NTRK3: variants seen among roughly 807,000 people sequenced by gnomAD.
NTRK3 encodes the protein neurotrophic receptor tyrosine kinase 3, also known as NT-3 growth factor receptor.
Under a neutral mutation model 91.7 loss-of-function variants are expected in NTRK3, and 24 were observed. The ratio of observed to expected loss-of-function variants is 0.26; its 90% CI spans 0.19 to 0.37. NTRK3 has a LOEUF of 0.37. NTRK3 is among the 10% of genes least tolerant of loss of function. The probability of loss-of-function intolerance (pLI) is 1.00; values close to 1 mark genes in which losing one functional copy is unlikely to be tolerated. For synonymous variants in NTRK3, 483 were observed against 404.0 expected, an observed-to-expected ratio of 1.20 and a Z score of -2.34; for missense variants, 880 against 1,068.9, an observed-to-expected ratio of 0.82 and a Z score of 2.46.
chr15:88,179,698 C>T (rs2046297726), intron 5 of NTRK3, among the ~76,000 whole-genome samples: 2 of 152,096 alleles, frequency 1.3e-5, no homozygotes, highest in African/African-American at 4.8e-5. Context: ...GAGAACAACC[C>T]AAGTTCAATA....
chr15:87,973,642 G>C (rs1023791397), intron 14 of NTRK3, among the ~76,000 whole-genome samples: 6 of 152,142 alleles, frequency 3.9e-5, no homozygotes, highest in African/African-American at 7.2e-5. Flanking sequence ...TTAAAGATTG[G>C]CAATGTGGTG....
In NTRK3 at chr15:88,018,238, G is replaced by A. The variant is rs1017608697; in HGVS notation, c.1585+14619C>T. Among the ~76,000 whole-genome samples, 13 of 152,336 alleles carry A rather than the reference G, an allele frequency of 8.5e-5. No homozygotes were observed. In the East Asian group the frequency reaches 2.1e-3, roughly 25 times the overall value. The stretch of plus-strand genomic sequence containing the variant: ...AAAGAGCCTCCTGGGGTGGACACAC[G>A]GAGGGGGATGACTACATAGGAGCTA... On this transcript the variant is annotated intron_variant, in intron 14 of 18. Coordinates refer to ENST00000394480, the Ensembl canonical transcript of NTRK3.
At chr15:87,891,825 C>G (rs771258332) in intron 17 of NTRK3, among the ~76,000 whole-genome samples, 1 of 151,938 alleles carries the variant, frequency 6.6e-6, no homozygotes, top group Non-Finnish European at 1.5e-5. Context: ...CCATACACAC[C>G]CTGAAGAGCA....
chr15:88,183,626 G>A (rs2046708283), intron 4 of NTRK3, 137 bp from the exon 5 acceptor site: 1 of 829,810 alleles, frequency 1.2e-6, no homozygotes, highest in Admixed American at 1.9e-5. Context: ...TTCATTGCCA[G>A]TTATCACAGG....
At chr15:88,018,106 G>A (rs1596728695) in intron 14 of NTRK3, among the ~76,000 whole-genome samples, 1 of 152,170 alleles carries the variant, frequency 6.6e-6, no homozygotes, top group Non-Finnish European at 1.5e-5. Context: ...TTGGATCCAA[G>A]GACTTCTGCT....
At position 88,168,686 on chromosome 15, in the gene NTRK3, T is replaced by C. The variant is rs145478400; in HGVS notation, c.395+14732A>G. On this transcript the variant is annotated intron_variant, in intron 5 of 18. Transcript: ENST00000394480. ...CCCACCTCAGGGACACAGCTGGACTTGCCAGATGTAGTAAGGACAAAAGAA... is the reference window on the plus strand; with the variant it reads ...CCCACCTCAGGGACACAGCTGGACTCGCCAGATGTAGTAAGGACAAAAGAA... Among the ~76,000 whole-genome samples the C allele has an allele frequency of 6.4e-3, 969 of 152,258 alleles. 13 individuals carry two copies. Among genetic ancestry groups the C allele is most frequent in the African/African-American group, 0.022 (915 of 41,530 alleles).
rs369830692 is a variant in NTRK3, at chr15:88,183,593, G to T, written c.324-104C>A. The T allele has an allele frequency of 4.6e-5, 49 of 1,059,622 alleles. No individual in the cohort carries two copies. In the African/African-American group the frequency reaches 7.2e-4, roughly 15 times the overall value. The allele number at this position is 1,059,622 out of a possible 1,614,324, so 65.6% of individuals were successfully genotyped here. A position where few individuals can be genotyped will look rare whatever the true frequency, so the allele number is the denominator to read the frequency against. ...TGAGGCTAAGGCTGGCCCTGCAGCCGCCCTGTGGATTATCTACACCTCTTC... is the reference window on the plus strand; with the variant it reads ...TGAGGCTAAGGCTGGCCCTGCAGCCTCCCTGTGGATTATCTACACCTCTTC... On this transcript the variant is annotated intron_variant, in intron 4 of 18. Coordinates refer to ENST00000394480, the Ensembl canonical transcript of NTRK3.
intron 17 of NTRK3, among the ~76,000 whole-genome samples, chr15:87,911,941 T>C (rs982611230): frequency 6.6e-6 from 1 of 152,210 alleles, no homozygotes; most frequent in Non-Finnish European, 1.5e-5. Flanking sequence ...TTCTTGAGAA[T>C]ACATTTTCAC....
chr15:88,081,914 C>T (rs1410842740), intron 13 of NTRK3, among the ~76,000 whole-genome samples: 7 of 152,184 alleles, frequency 4.6e-5, no homozygotes, highest in Non-Finnish European at 1.0e-4. Context: ...GTCACCAAAA[C>T]CCTGCTTTGC....
intron 10 of NTRK3, among the ~76,000 whole-genome samples, chr15:88,131,758 G>T (rs1285637975): frequency 1.3e-5 from 2 of 152,246 alleles, no homozygotes; most frequent in Non-Finnish European, 2.9e-5. Context: ...GCCTTTGCCA[G>T]GGCCTGGAAG....
At chr15:88,039,344 T>C (rs2079386423) in intron 13 of NTRK3, among the ~76,000 whole-genome samples, 1 of 152,254 alleles carries the variant, frequency 6.6e-6, no homozygotes, top group African/African-American at 2.4e-5. Flanking sequence ...AACAGAGGTC[T>C]GCACAGACTC....
intron 14 of NTRK3, chr15:87,979,276 A>G: frequency 8.9e-7 from 1 of 1,125,654 alleles, no homozygotes; most frequent in Non-Finnish European, 1.4e-6. Flanking sequence ...CAATGCCTAG[A>G]GCTTCCAACC....
chr15:88,171,364 T>C (rs2045500780), intron 5 of NTRK3, among the ~76,000 whole-genome samples: 1 of 152,152 alleles, frequency 6.6e-6, no homozygotes, highest in Non-Finnish European at 1.5e-5. Flanking sequence ...GAGGCTGCCA[T>C]AGAAGACATG....
chr15:88,057,513 A>G (rs892346272), intron 13 of NTRK3, among the ~76,000 whole-genome samples: 1 of 152,014 alleles, frequency 6.6e-6, no homozygotes, highest in Non-Finnish European at 1.5e-5. Flanking sequence ...AAAAAAAAAA[A>G]AGAAAGAAAT....
chr15:88,151,414 T>C (rs542176119), intron 5 of NTRK3, among the ~76,000 whole-genome samples: 9 of 152,238 alleles, frequency 5.9e-5, no homozygotes, highest in African/African-American at 1.7e-4. Context: ...ATGTCACCTC[T>C]GGCATTAACC....
chr15:88,169,747 C>G (rs1417321537), intron 5 of NTRK3, among the ~76,000 whole-genome samples: 4 of 152,186 alleles, frequency 2.6e-5, no homozygotes, highest in African/African-American at 9.7e-5. Flanking sequence ...CAGGCTTTCT[C>G]TCTCACTGCC....
chr15:88,046,367 G>A (rs1451666138), intron 13 of NTRK3, among the ~76,000 whole-genome samples: 1 of 152,056 alleles, frequency 6.6e-6, no homozygotes, highest in African/African-American at 2.4e-5. Flanking sequence ...CTAGAAAAGG[G>A]GAGAAAAAAG....
At chr15:87,980,071 G>T (rs2074084599) in intron 14 of NTRK3, among the ~76,000 whole-genome samples, 1 of 152,176 alleles carries the variant, frequency 6.6e-6, no homozygotes, top group Non-Finnish European at 1.5e-5. Flanking sequence ...GAGAGTAACG[G>T]CTGATCTCTG....
At chr15:88,193,394 C>T (rs1278306616) in intron 3 of NTRK3, among the ~76,000 whole-genome samples, 4 of 152,148 alleles carry the variant, frequency 2.6e-5, no homozygotes, top group African/African-American at 9.7e-5. Context: ...AGCTCCCTCC[C>T]AGGCCCAGGT....
Sources: gnomAD v4.1 joint callset for allele counts (sites outside exome capture counted in the v4.1 genomes callset) on GRCh38, gnomAD v4.1.1 for gene constraint, MANE v1.5 for transcripts, NCBI Gene and HGNC (gene_info 2026-07-23, HGNC 2026-07-21) for gene names.